The following SH3PXD2B variants were observed in gnomAD, a reference collection of about 807,000 sequenced individuals.
SH3PXD2B encodes SH3 and PX domain-containing protein 2B.
Under a neutral mutation model 73.1 loss-of-function variants are expected in SH3PXD2B, and 37 were observed. The ratio of observed to expected loss-of-function variants is 0.51; its 90% CI spans 0.39 to 0.67. SH3PXD2B has a LOEUF of 0.67. SH3PXD2B is among the 30% of genes least tolerant of loss of function. The probability of loss-of-function intolerance (pLI) is 0.00; values close to 1 mark genes in which losing one functional copy is unlikely to be tolerated. For missense variants in SH3PXD2B, 1,053 were observed against 1,197.8 expected, an observed-to-expected ratio of 0.88 and a Z score of 1.78; for synonymous variants, 457 against 480.5, an observed-to-expected ratio of 0.95 and a Z score of 0.64.
At chr5:172,361,728 A>T (rs1192837283) in intron 7 of SH3PXD2B, among the ~76,000 whole-genome samples, 1 of 152,090 alleles carries the variant, frequency 6.6e-6, no homozygotes, top group Non-Finnish European at 1.5e-5. Flanking sequence ...AGTTATTTGG[A>T]GTCATGGTTG....
rs1344766587 is a variant in SH3PXD2B at position 172,338,554 on chromosome 5, T to G, written c.2551A>C (p.Lys851Gln). The change falls in exon 13 of 13, where the codon AAG (lysine) becomes CAG (glutamine). Residue 851 changes from lysine (K) to glutamine (Q), a missense_variant. Lys to Gln is a moderately conservative substitution (Grantham distance 53, BLOSUM62 1). Around this residue, in one of 2 missense-constraint regions of SH3PXD2B, gnomAD observed 587 missense variants for 590.7 expected, o/e 0.99. Coordinates refer to ENST00000311601, the MANE Select transcript of SH3PXD2B (RefSeq NM_001017995.3). The surrounding 1 kb of genome is among the most constrained non-coding windows in gnomAD (Gnocchi z 5.1). ...AASVPNADGLKDSLYVAVADF... is the reference protein window; with the variant it reads ...AASVPNADGLQDSLYVAVADF... ...GCCACGGCCACATACAAAGAGTCCT[T>G]CAGGCCGTCGGCATTGGGGACAGAG... 1.2e-6 allele frequency: 2 copies of G among 1,614,088 alleles called. No homozygotes were observed. The highest frequency in any genetic ancestry group is 1.7e-6 in the Non-Finnish European group (2 of 1,180,018).
At position 172,364,657 on chromosome 5, in the gene SH3PXD2B, T is replaced by A. The variant is rs1450556847; in HGVS notation, c.428-1788A>T. On this transcript the variant is annotated intron_variant, in intron 6 of 12. Transcript: ENST00000311601. The stretch of plus-strand genomic sequence containing the variant: ...TCCAGCCTGGGTGACAGAACAAAAC[T>A]CCGTCCTCCGCTCCCCGCCCAAAAA... 2.0e-5 allele frequency among the ~76,000 whole-genome samples: 3 copies of A among 149,514 alleles called. No homozygotes were observed. The East Asian group carries it at 5.9e-4, about 30-fold the overall frequency.
intron 1 of SH3PXD2B, among the ~76,000 whole-genome samples, chr5:172,426,081 G>GA (rs751358169): frequency 2.0e-5 from 3 of 151,306 alleles, no homozygotes; most frequent in Admixed American, 6.6e-5. Context: ...CCCATAGATG[G>GA]AAAAAAAAAT....
chr5:172,336,204 C>T lies in SH3PXD2B; in HGVS notation c.*2165G>A, dbSNP rs1756686154. ...AGGCAAAGAGCAAATCAGAAAAAAACATGTGTTTTGTCTTTTGAAATGCAG... is the reference window on the plus strand; with the variant it reads ...AGGCAAAGAGCAAATCAGAAAAAAATATGTGTTTTGTCTTTTGAAATGCAG... On this transcript the variant is annotated 3_prime_UTR_variant, in exon 13 of 13. Coordinates refer to ENST00000311601, the MANE Select transcript of SH3PXD2B (RefSeq NM_001017995.3). 2.0e-6 allele frequency: 2 copies of T among 985,570 alleles called. No individual in the cohort carries two copies. The highest frequency in any genetic ancestry group is 2.4e-6 in the Non-Finnish European group (2 of 830,008). 61.1% of individuals were successfully genotyped at this position (985,570 alleles called of 1,614,324 possible). A position where few individuals can be genotyped will look rare whatever the true frequency, so the allele number is the denominator to read the frequency against.
chr5:172,419,209 C>A (rs566986061), intron 2 of SH3PXD2B, among the ~76,000 whole-genome samples: 1 of 152,180 alleles, frequency 6.6e-6, no homozygotes, highest in African/African-American at 2.4e-5. Context: ...AAGCCTTAGG[C>A]TGCGCTGGAA....
chr5:172,400,745 G>A (rs921586386), intron 3 of SH3PXD2B, among the ~76,000 whole-genome samples: 28 of 152,262 alleles, frequency 1.8e-4, no homozygotes, highest in Non-Finnish European at 3.8e-4. Flanking sequence ...AAATTTGGAC[G>A]AACAATCAAA....
chr5:172,373,768 A>G, intron 6 of SH3PXD2B, 22 bp downstream of exon 6: 1 of 1,611,962 alleles, frequency 6.2e-7, no homozygotes, highest in Non-Finnish European at 8.5e-7. Flanking sequence ...AACGAAGAGA[A>G]GAAAATAGAA....
chr5:172,390,937 G>A (rs1205006930), intron 4 of SH3PXD2B, among the ~76,000 whole-genome samples: 12 of 151,756 alleles, frequency 7.9e-5, no homozygotes, highest in Admixed American at 3.9e-4. Context: ...CACTTCCCGG[G>A]TTCAAGCGAT....
In SH3PXD2B at chr5:172,373,511, G is replaced by C. The variant is rs563954995; in HGVS notation, c.427+279C>G. 2.6e-5 allele frequency among the ~76,000 whole-genome samples: 4 copies of C among 152,300 alleles called. No homozygotes were observed. The East Asian group carries it at 7.7e-4, about 29-fold the overall frequency. ...GTCTCAACCACTTGGCAGTTTTTTG[G>C]TATATTGGATGAAACAACCTCAAAT... On this transcript the variant is annotated intron_variant, in intron 6 of 12. Transcript: ENST00000311601.
At chr5:172,452,521 G>A (rs1426453948) in intron 1 of SH3PXD2B, among the ~76,000 whole-genome samples, 2 of 152,198 alleles carry the variant, frequency 1.3e-5, no homozygotes, top group African/African-American at 4.8e-5. Context: ...GCTCTTGACT[G>A]TGACCTTAGG....
chr5:172,372,143 T>C (rs150030681), intron 6 of SH3PXD2B, among the ~76,000 whole-genome samples: 13 of 152,256 alleles, frequency 8.5e-5, no homozygotes, highest in African/African-American at 3.1e-4. Flanking sequence ...CTACTTGATA[T>C]GGTTTGGATC....
intron 1 of SH3PXD2B, among the ~76,000 whole-genome samples, chr5:172,442,258 T>C (rs78602859): frequency 0.033 from 5,016 of 152,250 alleles, 271 homozygotes; most frequent in African/African-American, 0.11. Context: ...AAACTGTCCA[T>C]GTTTCCACCA....
chr5:172,408,574 T>C (rs1038178028), intron 2 of SH3PXD2B, among the ~76,000 whole-genome samples: 2 of 147,052 alleles, frequency 1.4e-5, no homozygotes, highest in African/African-American at 5.1e-5. Flanking sequence ...GTTTCCCTCT[T>C]GTTGCCCAGG....
intron 8 of SH3PXD2B, among the ~76,000 whole-genome samples, chr5:172,355,546 TTC>T (rs1491533659): frequency 6.0e-5 from 9 of 151,202 alleles, no homozygotes; most frequent in Middle Eastern, 3.4e-3. Flanking sequence ...GGATTTTCTT[TTC>T]TTTTTTTTTT....
At chr5:172,375,715 C>T (rs1246023398) in intron 5 of SH3PXD2B, among the ~76,000 whole-genome samples, 1 of 152,176 alleles carries the variant, frequency 6.6e-6, no homozygotes, top group Non-Finnish European at 1.5e-5. Context: ...AGTAATACTC[C>T]ATTGTCTGGA....
In SH3PXD2B at chr5:172,384,072, C is replaced by T. The variant is rs181764188; in HGVS notation, c.310-1945G>A. 2.0e-3 allele frequency among the ~76,000 whole-genome samples: 302 copies of T among 152,130 alleles called. 2 individuals carry two copies. Among genetic ancestry groups the T allele is most frequent in the Non-Finnish European group, 3.0e-3 (203 of 67,990 alleles). On this transcript the variant is annotated intron_variant, in intron 4 of 12. Transcript: ENST00000311601. ...ATGTTGGCCAGGATAGTCTCGATCT[C>T]CTGACCTCGTGATCCACCCACCTCG...
intron 1 of SH3PXD2B, among the ~76,000 whole-genome samples, chr5:172,425,721 C>G (rs961490097): frequency 5.3e-5 from 8 of 151,846 alleles, no homozygotes; most frequent in Admixed American, 5.3e-4. Context: ...GTGGGGGAGG[C>G]GTGCGACAGG....
chr5:172,453,140 G>A (rs1336171653), intron 1 of SH3PXD2B, among the ~76,000 whole-genome samples: 1 of 152,138 alleles, frequency 6.6e-6, no homozygotes, highest in Non-Finnish European at 1.5e-5. Flanking sequence ...AAGATCTGAA[G>A]ACGACTTCCA....
intron 12 of SH3PXD2B, among the ~76,000 whole-genome samples, chr5:172,327,895 C>G (rs891072895): frequency 2.6e-5 from 4 of 151,892 alleles, no homozygotes; most frequent in Non-Finnish European, 5.9e-5. Context: ...GCTGGGATTA[C>G]AAGCATGTGG....
Sources: allele counts gnomAD v4.1 joint callset (sites outside exome capture counted in the v4.1 genomes callset), GRCh38; gene constraint gnomAD v4.1.1; regional missense constraint gnomAD v4.1.1; non-coding constraint Gnocchi (gnomAD v3.1); transcripts MANE v1.5; gene names NCBI Gene and HGNC (gene_info 2026-07-23, HGNC 2026-07-21).